C20orf203: variants seen among roughly 807,000 people sequenced by gnomAD.
C20orf203 encodes uncharacterized protein C20orf203.
C20orf203 carries 16 observed loss-of-function variants against 15.9 expected under a neutral mutation model. The ratio of observed to expected loss-of-function variants is 1.01; its 90% CI spans 0.68 to 1.53. The LOEUF (loss-of-function observed/expected upper bound fraction) is 1.53, where lower values mean the gene tolerates loss of function less well. C20orf203 is among the 40% of genes most tolerant of loss of function. C20orf203 has a pLI of 0.00. For missense variants in C20orf203, 263 were observed against 247.5 expected (o/e 1.06, Z -0.42); for synonymous variants, 98 against 97.2 (o/e 1.01, Z -0.05).
At chr20:32,673,368 C>T (rs918432274) in intron 1 of C20orf203, among the ~76,000 whole-genome samples, 9 of 152,106 alleles carry the variant, frequency 5.9e-5, no homozygotes, top group Admixed American at 3.3e-4. Flanking sequence ...GAGCACAGGG[C>T]GGAAGTGGCT....
intron 1 of C20orf203, among the ~76,000 whole-genome samples, chr20:32,665,368 G>A (rs949802995): frequency 2.8e-4 from 42 of 152,196 alleles, no homozygotes; most frequent in Non-Finnish European, 8.8e-5. Flanking sequence ...CCCCAACCAG[G>A]TGCCAGACCA....
intron 1 of C20orf203, among the ~76,000 whole-genome samples, chr20:32,667,817 C>G (rs774050671): frequency 6.6e-6 from 1 of 152,166 alleles, no homozygotes; most frequent in African/African-American, 2.4e-5. Flanking sequence ...ACTACAGGCG[C>G]GTGCCACCAC....
intron 1 of C20orf203, among the ~76,000 whole-genome samples, chr20:32,652,677 A>C (rs905593420): frequency 6.6e-6 from 1 of 151,984 alleles, no homozygotes; most frequent in Non-Finnish European, 1.5e-5. Context: ...GCATGAATAC[A>C]TTCACGTCCA....
chr20:32,640,127 A>G (rs925314176), intron 5 of C20orf203, among the ~76,000 whole-genome samples: 32 of 152,244 alleles, frequency 2.1e-4, no homozygotes, highest in African/African-American at 7.5e-4. Flanking sequence ...TGTTTACCAC[A>G]TATTATTAAA....
intron 1 of C20orf203, among the ~76,000 whole-genome samples, chr20:32,669,471 T>G (rs1983112050): frequency 6.6e-6 from 1 of 152,056 alleles, no homozygotes; most frequent in Admixed American, 6.5e-5. Context: ...GTCATGAGAG[T>G]CTAGTTCATC....
At chr20:32,662,908 G>A (rs1409095042) in intron 1 of C20orf203, among the ~76,000 whole-genome samples, 2 of 137,244 alleles carry the variant, frequency 1.5e-5, no homozygotes, top group Admixed American at 7.2e-5. Context: ...AAACAAGAAA[G>A]GAACAGCTAG....
Position 32,632,091 on chromosome 20 carries a change from C to T in C20orf203, c.*3479G>A, listed in dbSNP as rs1217369729. Reference sequence around the variant, plus strand: ...GAAGGGAGCCAGTGACCTCTAGGACCCCCAGGGCTTAGGCAGGATGCCGCG... The same window carrying T: ...GAAGGGAGCCAGTGACCTCTAGGACTCCCAGGGCTTAGGCAGGATGCCGCG... On this transcript the variant is annotated 3_prime_UTR_variant, in exon 6 of 6. Coordinates refer to ENST00000608990, the MANE Select transcript of C20orf203 (RefSeq NM_182584.4). The T allele has an allele frequency of 1.3e-5, 2 of 152,232 alleles. No individual in the cohort carries two copies. The highest frequency in any genetic ancestry group is 4.8e-5 in the African/African-American group (2 of 41,426). 9.4% of individuals were successfully genotyped at this position (152,232 alleles called of 1,614,324 possible). A position where few individuals can be genotyped will look rare whatever the true frequency, so the allele number is the denominator to read the frequency against.
intron 1 of C20orf203, among the ~76,000 whole-genome samples, chr20:32,672,155 T>TA (rs1364734269): frequency 6.6e-6 from 1 of 151,658 alleles, no homozygotes; most frequent in Non-Finnish European, 1.5e-5. Flanking sequence ...TCTCTACTAA[T>TA]AATACAAAAA....
chr20:32,667,149 G>C (rs1383319126), intron 1 of C20orf203, among the ~76,000 whole-genome samples: 1 of 152,094 alleles, frequency 6.6e-6, no homozygotes, highest in Non-Finnish European at 1.5e-5. Context: ...CACTGGGGCA[G>C]AGCACAGTGA....
At chr20:32,638,538 A>G (rs1301707344) in intron 5 of C20orf203, among the ~76,000 whole-genome samples, 7 of 152,226 alleles carry the variant, frequency 4.6e-5, no homozygotes, top group Admixed American at 1.3e-4. Flanking sequence ...GAGGAGTCTG[A>G]GGTCCCACTT....
intron 5 of C20orf203, among the ~76,000 whole-genome samples, chr20:32,638,224 T>A (rs1404928657): frequency 3.9e-5 from 6 of 152,140 alleles, no homozygotes; most frequent in African/African-American, 1.4e-4. Flanking sequence ...ATGGCCAACA[T>A]ATATTGAACA....
chr20:32,650,697 A>G lies in C20orf203; in HGVS notation c.320T>C (p.Val107Ala). The stretch of plus-strand genomic sequence containing the variant: ...CACCTTGCTGAGCCTGAGGCCTCCA[A>G]CTTCCCCCCACCCCTCCCCACCAAC... ...IWVGGEGWGE[V>A]GGLRLSKVGR... Residue 107 changes from valine to alanine, a missense_variant, in exon 4 of 6, where the codon GTT becomes GCT. By Grantham distance (64) the Val-to-Ala change is moderately conservative. Transcript: ENST00000608990. The G allele has an allele frequency of 1.9e-6, 3 of 1,548,192 alleles. No individual in the cohort carries two copies. The highest frequency in any genetic ancestry group is 2.6e-6 in the Non-Finnish European group (3 of 1,145,756).
chr20:32,641,831 T>C (rs73107869), intron 4 of C20orf203, among the ~76,000 whole-genome samples: 31,223 of 152,012 alleles, frequency 0.21, 3,726 homozygotes, highest in Non-Finnish European at 0.27. Context: ...TTTTGTTCTG[T>C]TTCTGTTTTT....
chr20:32,638,217 G>A (rs1982190639), intron 5 of C20orf203, among the ~76,000 whole-genome samples: 1 of 152,140 alleles, frequency 6.6e-6, no homozygotes, highest in South Asian at 2.1e-4. Flanking sequence ...AATAACCATG[G>A]CCAACATATA....
At chr20:32,645,076 T>C (rs1982387151) in intron 4 of C20orf203, among the ~76,000 whole-genome samples, 1 of 151,820 alleles carries the variant, frequency 6.6e-6, no homozygotes, top group Admixed American at 6.6e-5. Context: ...GCCTCAGATA[T>C]AAGAGGAATT....
intron 1 of C20orf203, among the ~76,000 whole-genome samples, chr20:32,658,294 T>C (rs1982811717): frequency 6.6e-6 from 1 of 152,106 alleles, no homozygotes; most frequent in Non-Finnish European, 1.5e-5. Context: ...CCTGGAAATT[T>C]AGGATTTAGG....
chr20:32,652,058 T>G (rs1982642730), intron 1 of C20orf203, 77 bp from the exon 2 acceptor site: 1 of 152,172 alleles, frequency 6.6e-6, no homozygotes, highest in African/African-American at 2.4e-5. Context: ...GGCTCACACC[T>G]GTCACTTTGG....
At chr20:32,652,883 C>T (rs577166496) in intron 1 of C20orf203, among the ~76,000 whole-genome samples, 11 of 152,142 alleles carry the variant, frequency 7.2e-5, no homozygotes, top group Non-Finnish European at 1.0e-4. Flanking sequence ...CAGGCGGCAA[C>T]CCAAAGCGGG....
intron 1 of C20orf203, among the ~76,000 whole-genome samples, chr20:32,669,979 A>C (rs1234292388): frequency 6.6e-6 from 1 of 152,096 alleles, no homozygotes; most frequent in Non-Finnish European, 1.5e-5. Flanking sequence ...AGGAGGGTGG[A>C]TTCACGAGGT....
Sources: gnomAD v4.1 joint callset for allele counts (sites outside exome capture counted in the v4.1 genomes callset) on GRCh38, gnomAD v4.1.1 for gene constraint, MANE v1.5 for transcripts, NCBI Gene and HGNC (gene_info 2026-07-23, HGNC 2026-07-21) for gene names.